The following PLXDC2 variants were observed in gnomAD, a reference collection of about 807,000 sequenced individuals.
PLXDC2 encodes plexin domain containing 2.
PLXDC2 carries 40 observed loss-of-function variants against 68.9 expected under a neutral mutation model. That is an observed-to-expected ratio of 0.58 (90% confidence interval 0.45 to 0.76). PLXDC2 has a LOEUF of 0.76. PLXDC2 is among the 30% of genes least tolerant of loss of function. The probability of loss-of-function intolerance (pLI) is 0.00; values close to 1 mark genes in which losing one functional copy is unlikely to be tolerated. For missense variants in PLXDC2, 644 were observed against 661.9 expected, an observed-to-expected ratio of 0.97 and a Z score of 0.30; for synonymous variants, 243 against 234.2, an observed-to-expected ratio of 1.04 and a Z score of -0.34.
chr10:19,856,349 G>A (rs1333891382), intron 1 of PLXDC2, among the ~76,000 whole-genome samples: 1 of 148,784 alleles, frequency 6.7e-6, no homozygotes, highest in African/African-American at 2.5e-5. Flanking sequence ...CACAGTGGAA[G>A]CTTTATACAC....
At chr10:19,919,987 C>A (rs1032527709) in intron 1 of PLXDC2, among the ~76,000 whole-genome samples, 1 of 152,208 alleles carries the variant, frequency 6.6e-6, no homozygotes, top group Non-Finnish European at 1.5e-5. Context: ...ACTTTACCCA[C>A]CCCCAAACAC....
At chr10:20,239,300 A>G (rs1223964963) in intron 12 of PLXDC2, among the ~76,000 whole-genome samples, 1 of 152,168 alleles carries the variant, frequency 6.6e-6, no homozygotes, top group African/African-American at 2.4e-5. Context: ...ATATTCCCCT[A>G]AAGCCTACTA....
intron 3 of PLXDC2, among the ~76,000 whole-genome samples, chr10:20,063,501 A>T (rs1053926531): frequency 6.6e-6 from 1 of 152,212 alleles, no homozygotes; most frequent in African/African-American, 2.4e-5. Flanking sequence ...GCATTGACTA[A>T]TTAATTCATC....
At chr10:19,830,882 G>A (rs902567286) in intron 1 of PLXDC2, among the ~76,000 whole-genome samples, 5 of 152,076 alleles carry the variant, frequency 3.3e-5, no homozygotes, top group Non-Finnish European at 7.4e-5. Context: ...AAAGAGTCTT[G>A]AGAAATCCAT....
intron 3 of PLXDC2, among the ~76,000 whole-genome samples, chr10:20,052,578 G>T (rs1006364958): frequency 6.6e-6 from 1 of 151,844 alleles, no homozygotes; most frequent in Non-Finnish European, 1.5e-5. Context: ...TCTTGTTCTC[G>T]TTGACATGAA....
chr10:20,213,750 G>A (rs1054392074), intron 10 of PLXDC2, among the ~76,000 whole-genome samples: 16 of 152,138 alleles, frequency 1.1e-4, no homozygotes, highest in African/African-American at 3.6e-4. Context: ...AAGTACATGG[G>A]CATTTTGTAC....
chr10:20,010,904 A>T (rs1157307169), intron 2 of PLXDC2, among the ~76,000 whole-genome samples: 1 of 152,176 alleles, frequency 6.6e-6, no homozygotes, highest in African/African-American at 2.4e-5. Context: ...AGTGACAGTG[A>T]TAGGTGAATT....
At chr10:20,182,316 C>A (rs1393511807) in intron 9 of PLXDC2, among the ~76,000 whole-genome samples, 1 of 151,776 alleles carries the variant, frequency 6.6e-6, no homozygotes, top group Non-Finnish European at 1.5e-5. Flanking sequence ...ATTTATTCTG[C>A]CCAATCTACA....
chr10:19,984,932 T>C (rs1834610317), intron 1 of PLXDC2, among the ~76,000 whole-genome samples: 4 of 152,190 alleles, frequency 2.6e-5, no homozygotes, highest in South Asian at 2.1e-4. Flanking sequence ...GGAATTTCGG[T>C]TGTATAACAG....
chr10:20,070,380 T>C (rs1270968451), intron 4 of PLXDC2, among the ~76,000 whole-genome samples: 1 of 152,194 alleles, frequency 6.6e-6, no homozygotes, highest in African/African-American at 2.4e-5. Flanking sequence ...AATCATACTA[T>C]TGGTACCAAA....
chr10:19,999,597 T>G (rs574339551), intron 1 of PLXDC2, among the ~76,000 whole-genome samples: 1 of 152,092 alleles, frequency 6.6e-6, no homozygotes, highest in Non-Finnish European at 1.5e-5. Context: ...ACATGACTCT[T>G]TGTGTTTGCA....
chr10:20,156,801 G>A lies in PLXDC2; in HGVS notation c.784-7667G>A, dbSNP rs1012935707. ...AATAAAAAAAGATGGAAATAATTGT[G>A]CAAATTGTTACTGATACCCTGGAAA... On this transcript the variant is annotated intron_variant, in intron 6 of 13. Transcript: ENST00000377252. Among the ~76,000 whole-genome samples, 8 of 152,192 alleles carry A rather than the reference G, an allele frequency of 5.3e-5. No individual in the cohort carries two copies. In the East Asian group the frequency reaches 1.5e-3, roughly 29 times the overall value.
chr10:20,103,648 C>CTTTT (rs35831990), intron 4 of PLXDC2, among the ~76,000 whole-genome samples: 1 of 139,162 alleles, frequency 7.2e-6, no homozygotes, highest in African/African-American at 2.6e-5. Flanking sequence ...TTTTTTTTTT[C>CTTTT]TTTTTTTTTT....
At chr10:19,870,671 C>G (rs960729847) in intron 1 of PLXDC2, among the ~76,000 whole-genome samples, 1 of 152,162 alleles carries the variant, frequency 6.6e-6, no homozygotes, top group Admixed American at 6.5e-5. Context: ...AGTGATCTGC[C>G]TGCCTTGGCC....
At chr10:20,077,978 A>G (rs1224537911) in intron 4 of PLXDC2, among the ~76,000 whole-genome samples, 1 of 151,840 alleles carries the variant, frequency 6.6e-6, no homozygotes, top group East Asian at 1.9e-4. Context: ...TAATCTCTTC[A>G]GGTAACTTAC....
chr10:19,904,986 T>C (rs1833124800), intron 1 of PLXDC2, among the ~76,000 whole-genome samples: 1 of 152,220 alleles, frequency 6.6e-6, no homozygotes, highest in African/African-American at 2.4e-5. Context: ...GCTAGCCTTT[T>C]ATGTCATTGG....
chr10:20,078,736 G>T lies in PLXDC2; in HGVS notation c.541+10497G>T, dbSNP rs1244693156. ...GTCCTCTTGTAATAATAATTATAAG[G>T]AGTGAGTAGAAATCTGGTTTCTACC... On this transcript the variant is annotated intron_variant, in intron 4 of 13. Coordinates refer to ENST00000377252, the MANE Select transcript of PLXDC2 (RefSeq NM_032812.9). Among the ~76,000 whole-genome samples, 3 of 152,126 alleles carry T rather than the reference G, an allele frequency of 2.0e-5. No homozygotes were observed. In the East Asian group the frequency reaches 5.8e-4, roughly 29 times the overall value.
chr10:20,198,159 G>A (rs978811269), intron 9 of PLXDC2, among the ~76,000 whole-genome samples: 1 of 152,134 alleles, frequency 6.6e-6, no homozygotes, highest in African/African-American at 2.4e-5. Flanking sequence ...GGTGTGAGTA[G>A]GATGGGAGGG....
chr10:20,133,626 A>C (rs570479857), intron 4 of PLXDC2, among the ~76,000 whole-genome samples: 2 of 152,236 alleles, frequency 1.3e-5, no homozygotes, highest in South Asian at 4.1e-4. Flanking sequence ...GCTGCTCTCA[A>C]ATTTCTCGCT....
Sources: allele counts gnomAD v4.1 joint callset (sites outside exome capture counted in the v4.1 genomes callset), GRCh38; gene constraint gnomAD v4.1.1; transcripts MANE v1.5; gene names NCBI Gene and HGNC (gene_info 2026-07-23, HGNC 2026-07-21).